Variants in NCKAP5 observed in about 807,000 individuals in gnomAD.
NCKAP5 encodes the protein nck-associated protein 5.
Under a neutral mutation model 167.0 loss-of-function variants are expected in NCKAP5, and 92 were observed. The ratio of observed to expected loss-of-function variants is 0.55; its 90% CI spans 0.47 to 0.66. The LOEUF (loss-of-function observed/expected upper bound fraction) is 0.66. NCKAP5 is among the 30% of genes least tolerant of loss of function. NCKAP5 has a pLI of 0.00. For missense variants in NCKAP5, 2,378 were observed against 2,315.0 expected (o/e 1.03, Z -0.56); for synonymous variants, 891 against 877.4 (o/e 1.02, Z -0.27).
At chr2:133,590,700 T>TA in the NCKAP5 span, among the ~76,000 whole-genome samples, 1 of 152,172 alleles carries the variant, frequency 6.6e-6, no homozygotes. Flanking sequence ...CATGCATCTT[T>TA]AAATACCATC....
intron 2 of NCKAP5, among the ~76,000 whole-genome samples, chr2:133,538,084 T>C (rs867907816): frequency 5.9e-5 from 9 of 152,210 alleles, no homozygotes; most frequent in South Asian, 2.1e-4. Context: ...ATAATTTCCA[T>C]TGACTGCCAA....
chr2:132,798,948 C>T (rs891585610), intron 11 of NCKAP5, among the ~76,000 whole-genome samples: 2 of 152,134 alleles, frequency 1.3e-5, no homozygotes, highest in African/African-American at 4.8e-5. Flanking sequence ...AAGATACAAG[C>T]ACACACATGT....
intron 9 of NCKAP5, among the ~76,000 whole-genome samples, chr2:132,873,160 G>A (rs1690967558): frequency 6.6e-6 from 1 of 152,162 alleles, no homozygotes; most frequent in Non-Finnish European, 1.5e-5. Flanking sequence ...CTGGAGTGCA[G>A]TAGCACGATC....
intron 9 of NCKAP5, among the ~76,000 whole-genome samples, chr2:132,869,493 A>T (rs12479305): frequency 0.51 from 77,119 of 151,946 alleles, 19,983 homozygotes; most frequent in East Asian, 0.71. Flanking sequence ...TTTTTGCTTA[A>T]GTCACGCTCT....
intron 6 of NCKAP5, among the ~76,000 whole-genome samples, chr2:133,059,926 T>G (rs1469409359): frequency 3.3e-5 from 5 of 150,496 alleles, no homozygotes; most frequent in Non-Finnish European, 7.4e-5. Context: ...CAAATTACAA[T>G]TTCTCCAGAA....
At chr2:132,753,942 G>C (rs1022427339) in intron 16 of NCKAP5, among the ~76,000 whole-genome samples, 2 of 152,194 alleles carry the variant, frequency 1.3e-5, no homozygotes, top group African/African-American at 4.8e-5. Context: ...ATGGGAGGTG[G>C]AGATGGATAC....
chr2:133,398,822 T>A (rs543807345), intron 3 of NCKAP5, among the ~76,000 whole-genome samples: 41 of 152,132 alleles, frequency 2.7e-4, no homozygotes, highest in Middle Eastern at 6.8e-3. Flanking sequence ...TCCTGAAGCA[T>A]GGGAGGGCAC....
chr2:133,230,735 C>T (rs2087107723), intron 4 of NCKAP5, among the ~76,000 whole-genome samples: 1 of 152,130 alleles, frequency 6.6e-6, no homozygotes, highest in African/African-American at 2.4e-5. Flanking sequence ...TTCCCATTTT[C>T]CTCTTTTCCC....
intron 8 of NCKAP5, among the ~76,000 whole-genome samples, chr2:132,957,344 C>T (rs903381152): frequency 6.6e-6 from 1 of 152,232 alleles, no homozygotes; most frequent in Middle Eastern, 3.4e-3. Flanking sequence ...CCTAATAGAC[C>T]TTACTTCTGA....
chr2:133,169,785 T>C (rs1397657598), intron 5 of NCKAP5, among the ~76,000 whole-genome samples: 1 of 152,186 alleles, frequency 6.6e-6, no homozygotes, highest in Non-Finnish European at 1.5e-5. Context: ...TTTGCACAGT[T>C]GAAGAACTGA....
intron 8 of NCKAP5, among the ~76,000 whole-genome samples, chr2:132,962,880 C>G (rs1441924168): frequency 6.6e-6 from 1 of 152,144 alleles, no homozygotes; most frequent in Non-Finnish European, 1.5e-5. Flanking sequence ...CGTGAGCCAC[C>G]GTGCCCAGCC....
chr2:132,798,716 A>T (rs1028448863), intron 11 of NCKAP5, among the ~76,000 whole-genome samples: 6 of 152,186 alleles, frequency 3.9e-5, no homozygotes, highest in African/African-American at 1.2e-4. Flanking sequence ...GAAGGTCTGC[A>T]TGGGAGAAAG....
At chr2:133,135,757 G>T (rs1403587743) in intron 5 of NCKAP5, among the ~76,000 whole-genome samples, 4 of 152,066 alleles carry the variant, frequency 2.6e-5, no homozygotes, top group Middle Eastern at 3.2e-3. Flanking sequence ...ACTGGGGACG[G>T]TGAACTCATC....
intron 7 of NCKAP5, among the ~76,000 whole-genome samples, chr2:132,964,576 G>A (rs980299426): frequency 6.6e-6 from 1 of 151,756 alleles, no homozygotes; most frequent in Non-Finnish European, 1.5e-5. Context: ...TGTTTTCAAG[G>A]GAAAAAGAAG....
rs1027856667 is a variant in NCKAP5 at position 133,559,802 on chromosome 2, A to C, written c.-129-685T>G. Among the ~76,000 whole-genome samples, 21 of 152,166 alleles carry C rather than the reference A, an allele frequency of 1.4e-4. 1 individual carries two copies. Among genetic ancestry groups the C allele is most frequent in the Admixed American group, 1.2e-3 (19 of 15,276 alleles). ...ATACTGTCTGCATTAATTGACTCCA[A>C]AGATCAAATCCTGGTCTAACGTACC... On this transcript the variant is annotated intron_variant, in intron 1 of 19. Coordinates refer to ENST00000409261, the MANE Select transcript of NCKAP5 (RefSeq NM_207363.3).
chr2:132,881,897 A>G (rs1691789390), intron 8 of NCKAP5, among the ~76,000 whole-genome samples: 1 of 147,096 alleles, frequency 6.8e-6, no homozygotes, highest in Non-Finnish European at 1.5e-5. Flanking sequence ...TTAAGCAACC[A>G]TCAATGATTT....
chr2:133,161,528 G>C (rs1194024952), intron 5 of NCKAP5, among the ~76,000 whole-genome samples: 1 of 152,098 alleles, frequency 6.6e-6, no homozygotes, highest in Non-Finnish European at 1.5e-5. Flanking sequence ...AATACAGCCG[G>C]GTACCCACAT....
chr2:133,604,775 T>TAGGG, the NCKAP5 span, among the ~76,000 whole-genome samples: 1 of 152,108 alleles, frequency 6.6e-6, no homozygotes, highest in Non-Finnish European at 1.5e-5. Context: ...AGTACACGAG[T>TAGGG]AGGGCTAAGA....
At chr2:133,332,863 C>A (rs1326376229) in intron 3 of NCKAP5, among the ~76,000 whole-genome samples, 2 of 152,224 alleles carry the variant, frequency 1.3e-5, no homozygotes, top group Non-Finnish European at 2.9e-5. Context: ...CATGTCAATA[C>A]CCAATGCAGG....
Sources: gnomAD v4.1 joint callset for allele counts (sites outside exome capture counted in the v4.1 genomes callset) on GRCh38, gnomAD v4.1.1 for gene constraint, MANE v1.5 for transcripts, NCBI Gene and HGNC (gene_info 2026-07-23, HGNC 2026-07-21) for gene names.